Variants in FTCD observed in about 807,000 individuals in gnomAD.
FTCD encodes the protein formimidoyltransferase-cyclodeaminase.
Under a neutral mutation model 62.9 loss-of-function variants are expected in FTCD, and 76 were observed. The observed-to-expected ratio is 1.21, with a 90% confidence interval of 1.00 to 1.46. The LOEUF (loss-of-function observed/expected upper bound fraction) is 1.46, where lower values mean the gene tolerates loss of function less well. Ranked by LOEUF, FTCD falls within the 40% of genes most tolerant of loss-of-function variation. The pLI is 0.00. For missense variants in FTCD, 845 were observed against 751.3 expected (o/e 1.12, Z -1.46); for synonymous variants, 397 against 336.9 (o/e 1.18, Z -1.95).
At chr21:46,154,423 G>T in intron 1 of FTCD, 91 bp from the exon 2 acceptor site, 1 of 1,438,056 alleles carries the variant, frequency 7.0e-7, no homozygotes, top group Non-Finnish European at 9.5e-7. Flanking sequence ...AGACACAAAT[G>T]GGGGCTGAGG....
chr21:46,137,243 TCCTTAAATG>T lies in FTCD; in HGVS notation c.1526_1534del (p.Ala509_Lys511del). ...CCACACCTGCCTCCTGCTCACCTGG[TCCTTAAATG>T]CCTCGTCTGTGATGTCCCTCAGGTT... On this transcript the variant is annotated inframe_deletion, in exon 13 of 14. Transcript: ENST00000397746. 1 of 1,610,914 alleles carries T rather than the reference TCCTTAAATG, an allele frequency of 6.2e-7. No homozygotes were observed. Among genetic ancestry groups the T allele is most frequent in the South Asian group, 1.1e-5 (1 of 91,012 alleles).
intron 3 of FTCD, chr21:46,152,295 A>G: frequency 2.8e-6 from 1 of 352,830 alleles, no homozygotes; most frequent in Non-Finnish European, 5.1e-6. Flanking sequence ...GATAAACAGA[A>G]CCGCAAGCAA....
chr21:46,152,750 C>T (rs1048034100), intron 3 of FTCD, 157 bp downstream of exon 3: 37 of 629,976 alleles, frequency 5.9e-5, no homozygotes, highest in South Asian at 1.9e-4. Context: ...GCGTTTATTT[C>T]GGTATTGAGG....
intron 1 of FTCD, 108 bp from the exon 2 acceptor site, chr21:46,154,440 G>A: frequency 1.5e-6 from 2 of 1,356,588 alleles, no homozygotes; most frequent in East Asian, 2.5e-5. Flanking sequence ...GAGGAGGCGG[G>A]CCAAGCCTTT....
At chr21:46,136,685 C>A (rs922009758), downstream of FTCD, 1 of 1,465,424 alleles carries the variant, frequency 6.8e-7, no homozygotes, top group Non-Finnish European at 9.0e-7. Context: ...AACCCTGGCT[C>A]CCATGGGCCA....
At chr21:46,142,245 C>T (rs948485377) in intron 10 of FTCD, 4 of 152,238 alleles carry the variant, frequency 2.6e-5, no homozygotes, top group Admixed American at 1.3e-4. Context: ...TCTTGCCTGA[C>T]TTCAGGAGTG....
In FTCD at chr21:46,138,874, G is replaced by C. The variant is rs1398471874; in HGVS notation, c.1304+6C>G. 2 of 1,609,794 alleles carry C rather than the reference G, an allele frequency of 1.2e-6. No homozygotes were observed. The highest frequency in any genetic ancestry group is 1.7e-6 in the Non-Finnish European group (2 of 1,176,440). ...GCCCACGGTGCGGCCGGCCCTCCAGGCTCACCTGTCCTTTTCCTCAGGTGT... is the reference window on the plus strand; with the variant it reads ...GCCCACGGTGCGGCCGGCCCTCCAGCCTCACCTGTCCTTTTCCTCAGGTGT... On this transcript the variant is annotated splice_donor_region_variant and intron_variant, in intron 11 of 13. Coordinates refer to ENST00000397746, the MANE Select transcript of FTCD (RefSeq NM_206965.2).
chr21:46,136,541 C>G (rs2078871021), downstream of FTCD: 2 of 1,606,370 alleles, frequency 1.2e-6, no homozygotes, highest in East Asian at 2.2e-5. Context: ...GACAAGGGGC[C>G]TCACAGCCCA....
intron 7 of FTCD, among the ~76,000 whole-genome samples, chr21:46,148,612 CT>C (rs1378235342): frequency 1.3e-5 from 2 of 152,164 alleles, no homozygotes; most frequent in Non-Finnish European, 2.9e-5. Flanking sequence ...GAGCAAGACC[CT>C]GTCTCAAAAG....
intron 3 of FTCD, chr21:46,152,633 TA>T: frequency 2.7e-6 from 1 of 375,140 alleles, no homozygotes. Context: ...AAAGTGAAAT[TA>T]TTCTGCTCTA....
At chr21:46,148,243 T>G (rs1264960268) in intron 7 of FTCD, among the ~76,000 whole-genome samples, 1 of 152,104 alleles carries the variant, frequency 6.6e-6, no homozygotes, top group Non-Finnish European at 1.5e-5. Flanking sequence ...AAGTGACGGG[T>G]CCACGTCGGC....
Position 46,138,550 on chromosome 21 carries a change from T to G in FTCD, c.1401A>C (p.Glu467Asp), listed in dbSNP as rs773590831. The part of the protein sequence containing the change: ...TVASLWPALQ[E>D]LARCGNLACR... The stretch of plus-strand genomic sequence containing the variant: ...AGGCCAGGTTCCCACACCGGGCCAG[T>G]TCCTGCAGGGCCGGCCACAGCGAGG... The change falls in exon 12 of 14, where the codon GAA becomes GAC. Residue 467 changes from glutamate to aspartate, a missense_variant. Physicochemically the swap from Glu to Asp is conservative, Grantham distance 45 (BLOSUM62 2). Transcript: ENST00000397746. 1 of 1,587,350 alleles carries G rather than the reference T, an allele frequency of 6.3e-7. No homozygotes were observed. The highest frequency in any genetic ancestry group is 8.5e-7 in the Non-Finnish European group (1 of 1,173,732).
chr21:46,152,101 C>T (rs759091199), intron 3 of FTCD, 121 bp from the exon 4 acceptor site: 2 of 686,192 alleles, frequency 2.9e-6, no homozygotes, highest in Non-Finnish European at 4.9e-6. Context: ...ACTGCACCCT[C>T]TCCTGGGGAG....
chr21:46,155,427 GCCC>G (rs781538737), intron 1 of FTCD, 40 bp downstream of exon 1: 65 of 1,526,882 alleles, frequency 4.3e-5, no homozygotes, highest in African/African-American at 3.7e-4. Context: ...CACTCAAGCT[GCCC>G]CATCAGCCCT....
Position 46,137,408 on chromosome 21 carries a change from G to T in FTCD, c.1444-74C>A, listed in dbSNP as rs530638784. On this transcript the variant is annotated intron_variant, in intron 12 of 13. Transcript: ENST00000397746. Reference sequence around the variant, plus strand: ...GCCGGAAGGAGGGTCTCTGCCTGACGGGCTCTGGGACAGGCCGGACTTCGT... The same window carrying T: ...GCCGGAAGGAGGGTCTCTGCCTGACTGGCTCTGGGACAGGCCGGACTTCGT... The T allele has an allele frequency of 1.3e-5, 15 of 1,160,152 alleles. No individual in the cohort carries two copies. In the South Asian group the frequency reaches 1.7e-4, roughly 13 times the overall value. The allele number at this position is 1,160,152 out of a possible 1,614,324, so 71.9% of individuals were successfully genotyped here.
At position 46,136,954 on chromosome 21, in the gene FTCD, G is replaced by A. The variant is rs1276180276; in HGVS notation, c.*33C>T. The stretch of plus-strand genomic sequence containing the variant: ...TGCCCTCTGGGGATGGGCGAGGGAG[G>A]GGCCACAGAGCCCGGAGAGGCCTCC... On this transcript the variant is annotated 3_prime_UTR_variant, in exon 14 of 14. Transcript: ENST00000397746. 3.7e-6 allele frequency: 6 copies of A among 1,612,650 alleles called. No individual in the cohort carries two copies. Among genetic ancestry groups the A allele is most frequent in the Non-Finnish European group, 5.1e-6 (6 of 1,179,876 alleles).
chr21:46,151,882 G>T lies in FTCD; in HGVS notation c.456+10C>A. 6.4e-7 allele frequency: 1 copy of T among 1,557,512 alleles called. No homozygotes were observed. Among genetic ancestry groups the T allele is most frequent in the Non-Finnish European group, 8.7e-7 (1 of 1,150,736 alleles). ...TCCTTCCCAGGCCCGACCGCCCGGG[G>T]TGGGGGCACCTTCTTAGGGAGGGCC... On this transcript the variant is annotated intron_variant, in intron 4 of 13. Coordinates refer to ENST00000397746, the MANE Select transcript of FTCD (RefSeq NM_206965.2).
Position 46,136,988 on chromosome 21 carries a change from C to CA in FTCD, c.1624dup (p.Ter542LeufsTer59). 6.2e-7 allele frequency: 1 copy of CA among 1,613,290 alleles called. No homozygotes were observed. The highest frequency in any genetic ancestry group is 1.6e-4 in the Middle Eastern group (1 of 6,062). On this transcript the variant is annotated frameshift_variant and stop_lost, in exon 14 of 14. Coordinates refer to ENST00000397746, the MANE Select transcript of FTCD (RefSeq NM_206965.2). LOFTEE classifies it high-confidence loss of function. ...AGCCCGGAGAGGCCTCCCGCACCGT[C>CA]ACTCCTGCCGGGTCTCCAAGCAGTC... is the stretch of plus-strand genomic sequence containing the variant.
Position 46,152,897 on chromosome 21 carries a change from G to A in FTCD, c.367+10C>T. 5.0e-6 allele frequency: 6 copies of A among 1,210,088 alleles called. No homozygotes were observed. Among genetic ancestry groups the A allele is most frequent in the South Asian group, 1.3e-5 (1 of 79,548 alleles). 75.0% of individuals were successfully genotyped at this position (1,210,088 alleles called of 1,614,324 possible). ...GGAGCAGAGTGAGGGGGGCGGGGGG[G>A]CACGCTCACCTGGCACGTCCAGCTC... On this transcript the variant is annotated intron_variant, in intron 3 of 13. Transcript: ENST00000397746.
Sources: gnomAD v4.1 joint callset for allele counts (sites outside exome capture counted in the v4.1 genomes callset) on GRCh38, gnomAD v4.1.1 for gene constraint, MANE v1.5 for transcripts, NCBI Gene and HGNC (gene_info 2026-07-23, HGNC 2026-07-21) for gene names.